Variants in FAM184A observed in about 807,000 individuals in gnomAD.
The protein encoded by FAM184A is family with sequence similarity 184 member A.
FAM184A carries 99 observed loss-of-function variants against 143.8 expected under a neutral mutation model. The observed-to-expected ratio is 0.69, with a 90% CI of 0.58 to 0.81. The LOEUF (loss-of-function observed/expected upper bound fraction) is 0.81. Among genes scored for constraint, FAM184A ranks in the 40% least tolerant of loss-of-function variants. The pLI is 0.00. For missense variants in FAM184A, 1,217 were observed against 1,310.5 expected (o/e 0.93, Z 1.10); for synonymous variants, 427 against 446.4 (o/e 0.96, Z 0.55).
At chr6:119,091,078 A>G (rs935409754) in intron 1 of FAM184A, among the ~76,000 whole-genome samples, 1 of 152,196 alleles carries the variant, frequency 6.6e-6, no homozygotes, top group Non-Finnish European at 1.5e-5. Context: ...CAAAGTGAGC[A>G]GGGGGTAGTC....
At chr6:119,075,912 A>G (rs924446829) in intron 1 of FAM184A, among the ~76,000 whole-genome samples, 2 of 152,226 alleles carry the variant, frequency 1.3e-5, no homozygotes, top group African/African-American at 4.8e-5. Flanking sequence ...GTAGAAACAG[A>G]AAGATGTTGG....
At chr6:118,987,255 G>A (rs1488472710) in intron 9 of FAM184A, among the ~76,000 whole-genome samples, 1 of 152,148 alleles carries the variant, frequency 6.6e-6, no homozygotes, top group Non-Finnish European at 1.5e-5. Context: ...CAATGGCATA[G>A]AGTTTCTGCC....
chr6:119,062,318 T>C lies in FAM184A; in HGVS notation c.159+15823A>G, dbSNP rs543033123. Among the ~76,000 whole-genome samples, 3 of 152,288 alleles carry C rather than the reference T, an allele frequency of 2.0e-5. No homozygotes were observed. The East Asian group carries it at 5.8e-4, about 29-fold the overall frequency. On this transcript the variant is annotated intron_variant, in intron 1 of 17. Coordinates refer to ENST00000338891, the MANE Select transcript of FAM184A (RefSeq NM_024581.6). ...CTTTTCAGTTTAATTGTTTTTGTTG[T>C]TACTGATGTGGCCCTCCAAAGAAAT...
chr6:119,067,991 C>T (rs1346397339), intron 1 of FAM184A, among the ~76,000 whole-genome samples: 1 of 140,238 alleles, frequency 7.1e-6, no homozygotes, highest in African/African-American at 3.0e-5. Flanking sequence ...AATAAATAAA[C>T]AAACAAACAA....
At chr6:118,960,859 G>T (rs866932276) in intron 17 of FAM184A, 13 of 1,359,906 alleles carry the variant, frequency 9.6e-6, no homozygotes, top group African/African-American at 1.5e-5. Context: ...GCATCTTACT[G>T]ATACCTGAAC....
chr6:119,066,701 A>C (rs752034741), intron 1 of FAM184A, among the ~76,000 whole-genome samples: 1 of 152,226 alleles, frequency 6.6e-6, no homozygotes, highest in Non-Finnish European at 1.5e-5. Context: ...CAGGACAGTT[A>C]TCTTTGCCAA....
Position 118,966,365 on chromosome 6 carries a change from T to C in FAM184A, c.3033+470A>G, listed in dbSNP as rs144390739. Among the ~76,000 whole-genome samples the C allele has an allele frequency of 2.0e-5, 3 of 152,322 alleles. No individual in the cohort carries two copies. In the East Asian group the frequency reaches 5.8e-4, roughly 29 times the overall value. ...ATGCAACTTTTCTGTGGCTAGATTA[T>C]GGAACATTTTTTTTCTATAGAGTAA... On this transcript the variant is annotated intron_variant, in intron 15 of 17. Coordinates refer to ENST00000338891, the MANE Select transcript of FAM184A (RefSeq NM_024581.6).
At chr6:119,104,366 G>T (rs754874775) in intron 1 of FAM184A, among the ~76,000 whole-genome samples, 2 of 152,184 alleles carry the variant, frequency 1.3e-5, no homozygotes, top group Non-Finnish European at 2.9e-5. Flanking sequence ...GAAAAACGAG[G>T]AAAGTATTGG....
chr6:119,026,826 T>G (rs1211511046), intron 1 of FAM184A, among the ~76,000 whole-genome samples: 5 of 152,224 alleles, frequency 3.3e-5, no homozygotes, highest in African/African-American at 2.4e-5. Flanking sequence ...CTAAAATTTT[T>G]TTGTTTGACA....
intron 1 of FAM184A, among the ~76,000 whole-genome samples, chr6:119,034,041 T>A (rs13214307): frequency 2.4e-5 from 1 of 42,004 alleles, no homozygotes; most frequent in Non-Finnish European, 3.8e-5. Flanking sequence ...TATATATATA[T>A]AGAGAGAGAG....
chr6:119,128,665 AT>A (rs1789439873), intron 1 of FAM184A, among the ~76,000 whole-genome samples: 1 of 152,172 alleles, frequency 6.6e-6, no homozygotes, highest in African/African-American at 2.4e-5. Context: ...GATTAAAAAT[AT>A]TTTTAAAACT....
chr6:119,029,615 G>A lies in FAM184A; in HGVS notation c.160-4802C>T, dbSNP rs573970459. Among the ~76,000 whole-genome samples the A allele has an allele frequency of 3.9e-4, 60 of 152,060 alleles. No homozygotes were observed. In the South Asian group the frequency reaches 8.7e-3, roughly 22 times the overall value. ...AAAGAAGCTGAAGATATAAAAGCAC[G>A]GTAGCAATCAAAAAGGTGAAATTTA... is the stretch of plus-strand genomic sequence containing the variant. On this transcript the variant is annotated intron_variant, in intron 1 of 17. Transcript: ENST00000338891.
intron 1 of FAM184A, among the ~76,000 whole-genome samples, chr6:119,047,519 T>C (rs1252567158): frequency 6.6e-6 from 1 of 152,014 alleles, no homozygotes. Flanking sequence ...GAAAATGTCG[T>C]ACACAATTGC....
At position 118,960,063 on chromosome 6, in the gene FAM184A, TTAGTAACAGTC is replaced by T; in HGVS notation, c.*29_*39del. 1 of 1,501,216 alleles carries T rather than the reference TTAGTAACAGTC, an allele frequency of 6.7e-7. No homozygotes were observed. Among genetic ancestry groups the T allele is most frequent in the Non-Finnish European group, 9.2e-7 (1 of 1,085,772 alleles). 93.0% of individuals were successfully genotyped at this position (1,501,216 alleles called of 1,614,324 possible). A position where few individuals can be genotyped will look rare whatever the true frequency, so the allele number is the denominator to read the frequency against. On this transcript the variant is annotated 3_prime_UTR_variant, in exon 18 of 18. Coordinates refer to ENST00000338891, the MANE Select transcript of FAM184A (RefSeq NM_024581.6). ...TAACAATCTGTATAAAGTCATGCTC[TTAGTAACAGTC>T]TATACAGAGCTGTGCCAACACAATT...
chr6:119,032,587 G>A (rs971764349), intron 1 of FAM184A, among the ~76,000 whole-genome samples: 1 of 130,274 alleles, frequency 7.7e-6, no homozygotes, highest in Non-Finnish European at 1.6e-5. Flanking sequence ...GGAAGAGGAG[G>A]AGAAGAGCAG....
chr6:119,093,995 T>TC (rs1788439814), intron 1 of FAM184A, among the ~76,000 whole-genome samples: 1 of 94,576 alleles, frequency 1.1e-5, no homozygotes. Flanking sequence ...CCTCCCTCCC[T>TC]CCCTCCCCTC....
chr6:119,130,635 C>T (rs763631031), intron 1 of FAM184A, among the ~76,000 whole-genome samples: 5 of 152,166 alleles, frequency 3.3e-5, no homozygotes, highest in Non-Finnish European at 7.3e-5. Context: ...GAACTGCCTA[C>T]CCTGATGGAC....
At chr6:119,104,322 A>G (rs1210293951) in intron 1 of FAM184A, among the ~76,000 whole-genome samples, 1 of 152,246 alleles carries the variant, frequency 6.6e-6, no homozygotes, top group African/African-American at 2.4e-5. Context: ...TAGTTCTAAA[A>G]AGATGTTTGA....
At chr6:118,992,391 A>T (rs1784407056) in intron 9 of FAM184A, among the ~76,000 whole-genome samples, 1 of 152,142 alleles carries the variant, frequency 6.6e-6, no homozygotes, top group South Asian at 2.1e-4. Flanking sequence ...TGAAAGCCTA[A>T]CCTCCAGTGT....
Sources: allele counts gnomAD v4.1 joint callset (sites outside exome capture counted in the v4.1 genomes callset), GRCh38; gene constraint gnomAD v4.1.1; transcripts MANE v1.5; gene names NCBI Gene and HGNC (gene_info 2026-07-23, HGNC 2026-07-21).